PAX7: variants seen among roughly 807,000 people sequenced by gnomAD.
The protein encoded by PAX7 is paired box 7, also known as paired box protein Pax-7.
In PAX7, 18 loss-of-function variants were observed where a neutral mutation model predicts 50.7. The ratio of observed to expected loss-of-function variants is 0.36; its 90% CI spans 0.25 to 0.53. PAX7 has a LOEUF of 0.53. PAX7 is among the 20% of genes least tolerant of loss of function. PAX7 has a pLI of 0.93. For synonymous variants in PAX7, 310 were observed against 290.4 expected (o/e 1.07, Z -0.69); for missense variants, 644 against 702.9 (o/e 0.92, Z 0.95).
At chr1:18,736,947 G>T (rs1004734806) in intron 8 of PAX7, among the ~76,000 whole-genome samples, 2 of 152,234 alleles carry the variant, frequency 1.3e-5, no homozygotes, top group African/African-American at 4.8e-5. Flanking sequence ...CCCTTCTGCC[G>T]CAGGGCATGG....
intron 7 of PAX7, among the ~76,000 whole-genome samples, chr1:18,722,566 G>T (rs947609283): frequency 7.9e-5 from 12 of 152,240 alleles, no homozygotes; most frequent in Admixed American, 7.8e-4. Context: ...GCGGGGGGCT[G>T]CTCCGGAGAA....
intron 7 of PAX7, among the ~76,000 whole-genome samples, chr1:18,708,326 T>A (rs2089309773): frequency 6.6e-6 from 1 of 151,760 alleles, no homozygotes; most frequent in Non-Finnish European, 1.5e-5. Flanking sequence ...GAGGCCGAGG[T>A]GGGAGGATCA....
At chr1:18,647,512 G>T (rs779566567) in intron 4 of PAX7, among the ~76,000 whole-genome samples, 61 of 152,208 alleles carry the variant, frequency 4.0e-4, no homozygotes, top group Middle Eastern at 6.8e-3. Flanking sequence ...AGGAGAAGGA[G>T]GCAGGAGATT....
intron 4 of PAX7, among the ~76,000 whole-genome samples, chr1:18,689,982 CA>C (rs888128038): frequency 3.3e-5 from 5 of 152,288 alleles, no homozygotes; most frequent in Non-Finnish European, 5.9e-5. Flanking sequence ...TGGAAGGGGT[CA>C]GGGGCGGGGA....
chr1:18,736,821 A>G (rs1220255743), intron 8 of PAX7, among the ~76,000 whole-genome samples: 2 of 152,260 alleles, frequency 1.3e-5, no homozygotes, highest in African/African-American at 2.4e-5. Flanking sequence ...AAATTAGTTC[A>G]AGTGAAATCG....
intron 8 of PAX7, among the ~76,000 whole-genome samples, chr1:18,739,022 C>G (rs1038782592): frequency 6.6e-6 from 1 of 152,330 alleles, no homozygotes. Context: ...GCAAGAGTCC[C>G]ATGTCCTGGA....
intron 4 of PAX7, among the ~76,000 whole-genome samples, chr1:18,648,864 G>A (rs1461226724): frequency 6.6e-6 from 1 of 152,188 alleles, no homozygotes; most frequent in African/African-American, 2.4e-5. Context: ...CAAGGCTGTG[G>A]GAAAGGAGCA....
chr1:18,704,311 T>C (rs943550491), intron 7 of PAX7, among the ~76,000 whole-genome samples: 4 of 152,166 alleles, frequency 2.6e-5, no homozygotes, highest in Non-Finnish European at 5.9e-5. Flanking sequence ...CACAGCAGAA[T>C]TGAGTAGTTT....
rs776487181 is a variant in PAX7, at chr1:18,634,493, G to T, written c.276G>T (p.Glu92Asp). 1 of 1,614,118 alleles carries T rather than the reference G, an allele frequency of 6.2e-7. No homozygotes were observed. The highest frequency in any genetic ancestry group is 8.5e-7 in the Non-Finnish European group (1 of 1,180,048). ...CCAAGATTCTTTGCCGCTACCAGGA[G>T]ACCGGGTCCATCCGGCCTGGGGCCA... ...CVSKILCRYQ[E>D]TGSIRPGAIG... The change falls in exon 2 of 9, where the codon GAG (glutamate) becomes GAT (aspartate). Residue 92 changes from glutamate (E) to aspartate (D), a missense_variant. Physicochemically the swap from Glu to Asp is conservative, Grantham distance 45. Coordinates refer to ENST00000420770, the MANE Select transcript of PAX7 (RefSeq NM_001135254.2). This position sits in a 1 kb window ranked among gnomAD's most constrained non-coding sequence, Gnocchi z 4.0.
chr1:18,677,492 G>C (rs1476424626), intron 4 of PAX7, among the ~76,000 whole-genome samples: 1 of 152,204 alleles, frequency 6.6e-6, no homozygotes, highest in Admixed American at 6.5e-5. Flanking sequence ...AGGCACCAGT[G>C]GGTGCTTGGT....
intron 4 of PAX7, among the ~76,000 whole-genome samples, chr1:18,672,181 C>G (rs553658443): frequency 6.6e-6 from 1 of 151,988 alleles, no homozygotes; most frequent in Non-Finnish European, 1.5e-5. Flanking sequence ...ATCCCACGCA[C>G]CCTTGATAAT....
In PAX7 at chr1:18,726,030, T is replaced by TG. The variant is rs1557554222; in HGVS notation, c.1156-9602_1156-9601insG. On this transcript the variant is annotated intron_variant, in intron 7 of 8. Transcript: ENST00000420770. This position sits in a 1 kb window ranked among gnomAD's most constrained non-coding sequence, Gnocchi z 4.8. ...CGTGCGCGCGTGTGTGTGCGTGTGT[T>TG]TGTGTGTGTGTGTGTCTTTGACTTC... Among the ~76,000 whole-genome samples, 7 of 149,934 alleles carry TG rather than the reference T, an allele frequency of 4.7e-5. No individual in the cohort carries two copies. Among genetic ancestry groups the TG allele is most frequent in the African/African-American group, 1.7e-4 (7 of 40,482 alleles).
intron 4 of PAX7, among the ~76,000 whole-genome samples, chr1:18,647,487 G>A (rs2088364001): frequency 6.6e-6 from 1 of 151,902 alleles, no homozygotes; most frequent in Non-Finnish European, 1.5e-5. Context: ...TGAATTGGGC[G>A]GGGTGGGGGG....
chr1:18,732,913 C>A (rs917162309), intron 7 of PAX7, among the ~76,000 whole-genome samples: 1 of 152,162 alleles, frequency 6.6e-6, no homozygotes, highest in Non-Finnish European at 1.5e-5. Flanking sequence ...CGGGAGCTGA[C>A]AAACCCTCCC....
chr1:18,683,278 G>GA (rs2088924158), intron 4 of PAX7, among the ~76,000 whole-genome samples: 1 of 152,194 alleles, frequency 6.6e-6, no homozygotes, highest in African/African-American at 2.4e-5. Flanking sequence ...ATGCAGCTAT[G>GA]GATACCTTAG....
chr1:18,724,105 C>A (rs991375027), intron 7 of PAX7, among the ~76,000 whole-genome samples: 1 of 152,170 alleles, frequency 6.6e-6, no homozygotes, highest in Non-Finnish European at 1.5e-5. Flanking sequence ...CGGGAACCAC[C>A]CAGCCGGCAA....
At chr1:18,692,150 C>G (rs187221988) in intron 5 of PAX7, among the ~76,000 whole-genome samples, 197 bp downstream of exon 5, 12 of 151,574 alleles carry the variant, frequency 7.9e-5, no homozygotes, top group Admixed American at 6.6e-4. Context: ...GAGAGCTGGA[C>G]AGCCCAAGGA....
intron 4 of PAX7, among the ~76,000 whole-genome samples, chr1:18,639,578 T>G (rs2088217900): frequency 6.6e-6 from 1 of 152,024 alleles, no homozygotes; most frequent in South Asian, 2.1e-4. Context: ...TCTCCGAGGA[T>G]CAGGGGATAG....
intron 4 of PAX7, among the ~76,000 whole-genome samples, chr1:18,684,512 G>A (rs945339604): frequency 1.3e-5 from 2 of 152,186 alleles, no homozygotes; most frequent in Admixed American, 1.3e-4. Context: ...CCCGAGCCCC[G>A]TACACCGTGC....
Sources: allele counts gnomAD v4.1 joint callset (sites outside exome capture counted in the v4.1 genomes callset), GRCh38; gene constraint gnomAD v4.1.1; non-coding constraint Gnocchi (gnomAD v3.1); transcripts MANE v1.5; gene names NCBI Gene and HGNC (gene_info 2026-07-23, HGNC 2026-07-21).